The following GPHN variants were observed in gnomAD, a reference collection of about 807,000 sequenced individuals.
GPHN encodes gephyrin.
In GPHN, 17 loss-of-function variants were observed where a neutral mutation model predicts 95.5. The ratio of observed to expected loss-of-function variants is 0.18; its 90% confidence interval spans 0.12 to 0.27. GPHN has a LOEUF of 0.27. Ranked by LOEUF, GPHN falls within the 10% of genes least tolerant of loss-of-function variation. The pLI is 1.00. For missense variants in GPHN, 660 were observed against 978.1 expected (o/e 0.67, Z 4.34); for synonymous variants, 320 against 322.5 (o/e 0.99, Z 0.08).
Position 66,938,992 on chromosome 14 carries a change from T to A in GPHN, c.828+14700T>A, listed in dbSNP as rs563561886. ...GTCCTGGGAAAACTGGATATTCACA[T>A]GCAAAAGAATTAATTTGAACTTTTA... On this transcript the variant is annotated intron_variant, in intron 8 of 22. Transcript: ENST00000478722. Among the ~76,000 whole-genome samples, 8 of 152,294 alleles carry A rather than the reference T, an allele frequency of 5.3e-5. No homozygotes were observed. The South Asian group carries it at 1.2e-3, about 24-fold the overall frequency.
At chr14:67,570,755 G>T in the GPHN span, 1 of 151,882 alleles carries the variant, frequency 6.6e-6, no homozygotes, top group Non-Finnish European at 1.5e-5. Flanking sequence ...GACAGAGTCT[G>T]GCTCTGTTGC....
intron 13 of GPHN, among the ~76,000 whole-genome samples, chr14:67,106,996 G>A (rs1266650386): frequency 6.6e-6 from 1 of 152,080 alleles, no homozygotes; most frequent in South Asian, 2.1e-4. Flanking sequence ...GGGCTTTAGT[G>A]TGTTGGTTGC....
chr14:67,695,552 A>C, the GPHN span: 4 of 1,440,320 alleles, frequency 2.8e-6, no homozygotes, highest in East Asian at 2.4e-5. Context: ...TTTCCAAGAA[A>C]GCTTTGGTGG....
At chr14:66,742,231 T>C (rs910646133) in intron 2 of GPHN, among the ~76,000 whole-genome samples, 3 of 152,210 alleles carry the variant, frequency 2.0e-5, no homozygotes, top group African/African-American at 7.2e-5. Context: ...TCATAGACAA[T>C]ATAATAAATA....
At chr14:66,848,432 G>C (rs139017506) in intron 4 of GPHN, among the ~76,000 whole-genome samples, 1 of 152,162 alleles carries the variant, frequency 6.6e-6, no homozygotes, top group East Asian at 1.9e-4. Context: ...AAAATATGAA[G>C]TCTGTTTAGA....
chr14:67,135,173 T>C (rs934653914), intron 17 of GPHN, among the ~76,000 whole-genome samples: 3 of 152,044 alleles, frequency 2.0e-5, no homozygotes, highest in Non-Finnish European at 4.4e-5. Flanking sequence ...TTGGCCAGGC[T>C]GGTCTCGAAC....
chr14:67,623,107 G>A, the GPHN span, among the ~76,000 whole-genome samples: 3 of 151,970 alleles, frequency 2.0e-5, no homozygotes, highest in Admixed American at 6.6e-5. Context: ...TATCCTTACT[G>A]TGTAGCTGAC....
At chr14:67,091,844 TTTG>T (rs976852503) in intron 12 of GPHN, among the ~76,000 whole-genome samples, 6 of 152,014 alleles carry the variant, frequency 3.9e-5, no homozygotes, top group South Asian at 2.1e-4. Flanking sequence ...GGTTTTTTTT[TTTG>T]TTATTTCACC....
the GPHN span, among the ~76,000 whole-genome samples, chr14:67,282,092 T>C: frequency 6.6e-6 from 1 of 152,192 alleles, no homozygotes; most frequent in Non-Finnish European, 1.5e-5. Context: ...AGATATCTGT[T>C]ATGTAAGAAT....
At chr14:67,106,087 T>A (rs1267949031) in intron 13 of GPHN, among the ~76,000 whole-genome samples, 4 of 152,186 alleles carry the variant, frequency 2.6e-5, no homozygotes, top group Non-Finnish European at 5.9e-5. Context: ...AAGGCCAGTG[T>A]AGTAGTAATG....
chr14:67,591,994 A>G, the GPHN span: 1 of 152,268 alleles, frequency 6.6e-6, no homozygotes, highest in African/African-American at 2.4e-5. Flanking sequence ...ATATTAAATT[A>G]TTTACAAAGC....
At position 66,821,821 on chromosome 14, in the gene GPHN, G is replaced by T. The variant is rs188322088; in HGVS notation, c.202-2653G>T. ...ACAAAATATTACCTCCCAAATGCTT[G>T]AATAGATTCTTAATTGCTCTCAAGA... On this transcript the variant is annotated intron_variant, in intron 3 of 22. Transcript: ENST00000478722. Among the ~76,000 whole-genome samples the T allele has an allele frequency of 5.3e-5, 8 of 152,296 alleles. No homozygotes were observed. The East Asian group carries it at 1.5e-3, about 29-fold the overall frequency.
intron 18 of GPHN, among the ~76,000 whole-genome samples, chr14:67,152,152 A>G (rs1000074478): frequency 7.9e-5 from 12 of 152,186 alleles, no homozygotes; most frequent in Non-Finnish European, 1.0e-4. Flanking sequence ...TAGTTGTTTC[A>G]TAAGTGTTCA....
chr14:67,568,637 G>T, the GPHN span, among the ~76,000 whole-genome samples: 1 of 152,042 alleles, frequency 6.6e-6, no homozygotes, highest in Admixed American at 6.6e-5. Context: ...AAACAATAGA[G>T]AATTTTTTAA....
chr14:66,528,682 C>T (rs902486298), intron 1 of GPHN, among the ~76,000 whole-genome samples: 1 of 152,078 alleles, frequency 6.6e-6, no homozygotes, highest in Non-Finnish European at 1.5e-5. Flanking sequence ...TCAGCATTTG[C>T]GTGTCTGTAA....
intron 9 of GPHN, among the ~76,000 whole-genome samples, chr14:66,987,351 C>T (rs1393320618): frequency 6.6e-6 from 1 of 151,996 alleles, no homozygotes; most frequent in African/African-American, 2.4e-5. Flanking sequence ...ACTGTAGCAC[C>T]ATGTACTGTA....
chr14:67,170,420 A>G (rs766004359), intron 21 of GPHN, among the ~76,000 whole-genome samples: 5 of 152,228 alleles, frequency 3.3e-5, no homozygotes, highest in African/African-American at 4.8e-5. Context: ...TACTATCTTC[A>G]TATTTACTAA....
the GPHN span, among the ~76,000 whole-genome samples, chr14:67,525,600 G>A: frequency 0.28 from 42,550 of 152,178 alleles, 7,397 homozygotes; most frequent in Admixed American, 0.37. Context: ...CCATGTCAGC[G>A]AAAGGAGATT....
the GPHN span, among the ~76,000 whole-genome samples, chr14:67,313,124 G>A: frequency 5.3e-5 from 8 of 152,216 alleles, no homozygotes; most frequent in Admixed American, 2.6e-4. Context: ...TGTACCAAAC[G>A]TGATCTTAGG....
Sources: allele counts gnomAD v4.1 joint callset (sites outside exome capture counted in the v4.1 genomes callset), GRCh38; gene constraint gnomAD v4.1.1; transcripts MANE v1.5; gene names NCBI Gene and HGNC (gene_info 2026-07-23, HGNC 2026-07-21).